TARS3: variants seen among roughly 807,000 people sequenced by gnomAD.
TARS3 encodes threonine--tRNA ligase 2, cytoplasmic.
Under a neutral mutation model 103.5 loss-of-function variants are expected in TARS3, and 94 were observed. The ratio of observed to expected loss-of-function variants is 0.91; its 90% CI spans 0.77 to 1.08. The LOEUF is 1.08. Among genes scored for constraint, TARS3 ranks in the 50% least tolerant of loss-of-function variants. The probability of loss-of-function intolerance (pLI) is 0.00; values close to 1 mark genes in which losing one functional copy is unlikely to be tolerated. For missense variants in TARS3, 952 were observed against 995.2 expected (o/e 0.96, Z 0.58); for synonymous variants, 416 against 355.4 (o/e 1.17, Z -1.92).
chr15:101,687,788 A>G (rs536732422), intron 10 of TARS3, among the ~76,000 whole-genome samples: 134 of 152,306 alleles, frequency 8.8e-4, no homozygotes, highest in African/African-American at 3.1e-3. Context: ...TGATTAGGTC[A>G]TAAGGGTAGA....
intron 4 of TARS3, among the ~76,000 whole-genome samples, chr15:101,713,283 G>A (rs963901589): frequency 6.6e-6 from 1 of 152,190 alleles, no homozygotes; most frequent in South Asian, 2.1e-4. Context: ...CGTAGGGGAT[G>A]TGACAAAGCA....
chr15:101,695,218 T>C (rs891071913), intron 10 of TARS3, among the ~76,000 whole-genome samples: 4 of 152,164 alleles, frequency 2.6e-5, no homozygotes, highest in African/African-American at 7.2e-5. Context: ...AGTCAAGATA[T>C]AGAACATTTC....
At chr15:101,695,145 C>T (rs1280047875) in intron 10 of TARS3, among the ~76,000 whole-genome samples, 1 of 152,030 alleles carries the variant, frequency 6.6e-6, no homozygotes, top group African/African-American at 2.4e-5. Flanking sequence ...TAAAATTCAC[C>T]AATTTTAAGT....
chr15:101,667,499 A>G (rs1484457348), intron 15 of TARS3, among the ~76,000 whole-genome samples: 1 of 152,046 alleles, frequency 6.6e-6, no homozygotes, highest in Non-Finnish European at 1.5e-5. Context: ...GATCTTAGCT[A>G]GATCTTCTGG....
At chr15:101,682,205 G>C (rs772244688) in intron 12 of TARS3, among the ~76,000 whole-genome samples, 111 of 152,120 alleles carry the variant, frequency 7.3e-4, no homozygotes, top group Non-Finnish European at 1.2e-3. Flanking sequence ...CCTAATATCT[G>C]ATTTTAAGAG....
chr15:101,672,563 A>G (rs1170394977), intron 13 of TARS3, among the ~76,000 whole-genome samples: 2 of 151,944 alleles, frequency 1.3e-5, no homozygotes, highest in African/African-American at 2.4e-5. Context: ...GCCGTGGCAG[A>G]GTCTTAGGGC....
At chr15:101,698,467 G>C (rs919039622) in intron 10 of TARS3, among the ~76,000 whole-genome samples, 1 of 152,064 alleles carries the variant, frequency 6.6e-6, no homozygotes, top group African/African-American at 2.4e-5. Flanking sequence ...CAGCCAGGCA[G>C]AGCAAAACTG....
chr15:101,674,586 CAGG>C (rs1033660651), intron 13 of TARS3, among the ~76,000 whole-genome samples: 8 of 152,028 alleles, frequency 5.3e-5, no homozygotes, highest in African/African-American at 1.9e-4. Context: ...GCAGGAGGAT[CAGG>C]AGGTCAGGAG....
rs774732224 is a variant in TARS3, at chr15:101,675,634, AG to A, written c.1753del (p.Leu585Ter). The A allele has an allele frequency of 6.2e-7, 1 of 1,614,030 alleles. No individual in the cohort carries two copies. Among genetic ancestry groups the A allele is most frequent in the South Asian group, 1.1e-5 (1 of 91,066 alleles). On this transcript the variant is annotated frameshift_variant, in exon 13 of 19. Coordinates refer to ENST00000335968, the MANE Select transcript of TARS3 (RefSeq NM_152334.3). LOFTEE classifies it high-confidence loss of function. ...LNLSTRPENF[L>X]GEIEMWNEAE... Reference sequence around the variant, plus strand: ...CTCATTCCACATCTCAATCTCTCCTAGGAAGTTTTCCGGCCTTGTTGACAGG... The same window carrying A: ...CTCATTCCACATCTCAATCTCTCCTAGAAGTTTTCCGGCCTTGTTGACAGG...
At chr15:101,667,513 A>G (rs770384128) in intron 15 of TARS3, among the ~76,000 whole-genome samples, 3 of 151,898 alleles carry the variant, frequency 2.0e-5, no homozygotes, top group Non-Finnish European at 4.4e-5. Flanking sequence ...CTTCTGGATA[A>G]CTTGCTGAAG....
intron 10 of TARS3, chr15:101,699,222 A>G: frequency 3.5e-6 from 1 of 289,032 alleles, no homozygotes; most frequent in South Asian, 3.0e-5. Context: ...TGGTAAGGCC[A>G]ATTCCTTCAG....
At position 101,714,889 on chromosome 15, in the gene TARS3, C is replaced by G. The variant is rs752665130; in HGVS notation, c.641G>C (p.Gly214Ala). The G allele has an allele frequency of 4.1e-5, 66 of 1,613,346 alleles. 1 individual carries two copies. Among genetic ancestry groups the G allele is most frequent in the Non-Finnish European group, 5.3e-5 (62 of 1,179,640 alleles). The part of the protein sequence containing the change: ...ELWDLDRPLE[G>A]DSSLELLTFD... The stretch of plus-strand genomic sequence containing the variant: ...TGTAAGCAGCTCTAGAGAAGAGTCC[C>G]CTTCCAATGGGCGGTCCAGGTCCCA... Residue 214 changes from glycine (G) to alanine (A), a missense_variant, in exon 4 of 19, where the codon GGG becomes GCG. This residue lies in a region of TARS3 where 412 missense variants were observed against 364.2 expected (regional missense o/e 1.13). Coordinates refer to ENST00000335968, the MANE Select transcript of TARS3 (RefSeq NM_152334.3).
At chr15:101,722,917 G>A (rs1395509738) in intron 2 of TARS3, among the ~76,000 whole-genome samples, 176 bp downstream of exon 2, 1 of 151,988 alleles carries the variant, frequency 6.6e-6, no homozygotes, top group Non-Finnish European at 1.5e-5. Context: ...TTAAACATGG[G>A]CAGCTCATTT....
At chr15:101,657,144 C>CAGGGA in intron 17 of TARS3, 108 bp from the exon 18 acceptor site, 1 of 687,510 alleles carries the variant, frequency 1.5e-6, no homozygotes, top group Non-Finnish European at 2.5e-6. Flanking sequence ...GTTCCCTGCT[C>CAGGGA]ACTATACCAG....
intron 7 of TARS3, among the ~76,000 whole-genome samples, chr15:101,704,377 G>A (rs776753419): frequency 2.0e-5 from 3 of 152,160 alleles, no homozygotes; most frequent in African/African-American, 4.8e-5. Context: ...TCACAGGGCC[G>A]GGTGTGGTGG....
intron 15 of TARS3, among the ~76,000 whole-genome samples, chr15:101,667,869 C>T (rs1897643716): frequency 6.6e-6 from 1 of 152,230 alleles, no homozygotes; most frequent in African/African-American, 2.4e-5. Flanking sequence ...GCTGGGATTA[C>T]AGGCATGAGC....
intron 13 of TARS3, 95 bp downstream of exon 13, chr15:101,675,505 A>T: frequency 7.9e-7 from 1 of 1,267,668 alleles, no homozygotes; most frequent in Non-Finnish European, 1.1e-6. Flanking sequence ...CAAAATTTCT[A>T]TTACAAATTA....
At position 101,714,824 on chromosome 15, in the gene TARS3, G is replaced by C; in HGVS notation, c.690+16C>G. 6.3e-7 allele frequency: 1 copy of C among 1,596,232 alleles called. No individual in the cohort carries two copies. Among genetic ancestry groups the C allele is most frequent in the Non-Finnish European group, 8.5e-7 (1 of 1,170,348 alleles). On this transcript the variant is annotated intron_variant, in intron 4 of 18. Coordinates refer to ENST00000335968, the MANE Select transcript of TARS3 (RefSeq NM_152334.3). The stretch of plus-strand genomic sequence containing the variant: ...TAACTACCCAAAGTTTGGCTGTCTG[G>C]TTTTTAAATACTCACAGCTTGAGCT...
chr15:101,658,090 A>G (rs541732887), intron 16 of TARS3, among the ~76,000 whole-genome samples: 1 of 152,196 alleles, frequency 6.6e-6, no homozygotes, highest in Non-Finnish European at 1.5e-5. Flanking sequence ...AGACAGCCCA[A>G]AGGGCTGAGC....
Sources: gnomAD v4.1 joint callset for allele counts (sites outside exome capture counted in the v4.1 genomes callset) on GRCh38, gnomAD v4.1.1 for gene constraint, gnomAD v4.1.1 regional missense constraint, MANE v1.5 for transcripts, NCBI Gene and HGNC (gene_info 2026-07-23, HGNC 2026-07-21) for gene names.